NDST4: variants seen among roughly 807,000 people sequenced by gnomAD.
NDST4 encodes N-deacetylase and N-sulfotransferase 4.
Under a neutral mutation model 100.8 loss-of-function variants are expected in NDST4, and 63 were observed. The observed-to-expected ratio is 0.62, with a 90% CI of 0.51 to 0.77. The LOEUF is 0.77. Among genes scored for constraint, NDST4 ranks in the 30% least tolerant of loss-of-function variants. The pLI, the probability that NDST4 is intolerant of heterozygous loss-of-function variation, is 0.00. For synonymous variants in NDST4, 377 were observed against 361.8 expected (o/e 1.04, Z -0.48); for missense variants, 943 against 1,018.4 (o/e 0.93, Z 1.01).
chr4:114,829,666 G>A (rs560550844), intron 13 of NDST4, 124 bp downstream of exon 13: 3 of 615,380 alleles, frequency 4.9e-6, no homozygotes, highest in Admixed American at 6.8e-5. Context: ...CATCCTCTAA[G>A]TATATAAAAT....
chr4:114,982,892 T>A (rs940087008), intron 2 of NDST4, among the ~76,000 whole-genome samples: 9 of 152,160 alleles, frequency 5.9e-5, no homozygotes, highest in Non-Finnish European at 1.2e-4. Context: ...TATGGTGCCC[T>A]GCATCCCAGC....
rs61406984 is a variant in NDST4 at position 114,900,187 on chromosome 4, T to C, written c.1537-29237A>G. The stretch of plus-strand genomic sequence containing the variant: ...GGTGTCTGAAATGATGTCCCCTCTT[T>C]AATTTCTGATACTAGCCATTTGAAT... On this transcript the variant is annotated intron_variant, in intron 6 of 13. Transcript: ENST00000264363. Among the ~76,000 whole-genome samples, 603 of 152,140 alleles carry C rather than the reference T, an allele frequency of 4.0e-3. 7 individuals are homozygous for C. Among genetic ancestry groups the C allele is most frequent in the African/African-American group, 0.014 (579 of 41,544 alleles).
At chr4:115,045,101 G>C (rs530529414) in intron 2 of NDST4, among the ~76,000 whole-genome samples, 8 of 152,114 alleles carry the variant, frequency 5.3e-5, no homozygotes, top group Admixed American at 1.3e-4. Context: ...AGAAGAACTT[G>C]AATGAAGTCT....
chr4:114,981,383 G>A (rs1450974302), intron 2 of NDST4, among the ~76,000 whole-genome samples: 1 of 152,112 alleles, frequency 6.6e-6, no homozygotes, highest in Non-Finnish European at 1.5e-5. Flanking sequence ...AGAGAAAATT[G>A]CTAAAATTGT....
chr4:114,912,488 C>A (rs962857862), intron 6 of NDST4, among the ~76,000 whole-genome samples: 3 of 152,140 alleles, frequency 2.0e-5, no homozygotes, highest in African/African-American at 7.2e-5. Flanking sequence ...TTCTGACGTA[C>A]TTGTAGTACA....
rs569294049 is a variant in NDST4 at position 114,906,078 on chromosome 4, C to T, written c.1536+29128G>A. Among the ~76,000 whole-genome samples, 13 of 151,872 alleles carry T rather than the reference C, an allele frequency of 8.6e-5. No homozygotes were observed. In the East Asian group the frequency reaches 2.5e-3, roughly 29 times the overall value. ...AAATTAGAAAAAGAAAAATGATGAA[C>T]CTTGGGATCAATTTTTCTATGAGTC... On this transcript the variant is annotated intron_variant, in intron 6 of 13. Coordinates refer to ENST00000264363, the MANE Select transcript of NDST4 (RefSeq NM_022569.3).
intron 11 of NDST4, among the ~76,000 whole-genome samples, chr4:114,838,676 G>C (rs1324373954): frequency 6.6e-6 from 1 of 152,088 alleles, no homozygotes; most frequent in Non-Finnish European, 1.5e-5. Context: ...CAGGGGTGTG[G>C]GGCAAGGCGA....
chr4:114,927,217 TG>T (rs1385428649), intron 6 of NDST4, among the ~76,000 whole-genome samples: 1 of 69,164 alleles, frequency 1.4e-5, no homozygotes, highest in African/African-American at 2.1e-4. Flanking sequence ...TAACTTGATT[TG>T]TGTGTGTGTG....
chr4:115,016,754 C>T (rs1460107284), intron 2 of NDST4, among the ~76,000 whole-genome samples: 1 of 152,034 alleles, frequency 6.6e-6, no homozygotes, highest in Non-Finnish European at 1.5e-5. Context: ...TGGAAAAGTA[C>T]AACAACCCAA....
At chr4:114,868,905 A>G (rs1296062311) in intron 7 of NDST4, among the ~76,000 whole-genome samples, 1 of 149,528 alleles carries the variant, frequency 6.7e-6, no homozygotes, top group African/African-American at 2.4e-5. Context: ...ACTTACCCCT[A>G]TGATATTATG....
intron 2 of NDST4, among the ~76,000 whole-genome samples, chr4:115,016,028 C>T (rs1483516927): frequency 1.3e-5 from 2 of 152,034 alleles, no homozygotes; most frequent in East Asian, 3.9e-4. Context: ...CCGTGCAATG[C>T]TTCTGCCAAA....
At chr4:114,829,706 G>T (rs1578330176) in intron 13 of NDST4, 84 bp downstream of exon 13, 1 of 906,554 alleles carries the variant, frequency 1.1e-6, no homozygotes, top group East Asian at 2.6e-5. Flanking sequence ...GCAGAAAAAG[G>T]AAGCAAATTT....
intron 2 of NDST4, among the ~76,000 whole-genome samples, chr4:114,983,040 GGGAACCTTCACCT>G (rs771824044): frequency 1.3e-4 from 20 of 152,146 alleles, no homozygotes; most frequent in Non-Finnish European, 2.2e-4. Context: ...GTTGAGATTT[GGGAACCTTCACCT>G]GGATTTCAGA....
chr4:114,849,976 CAA>C (rs1285312295), intron 8 of NDST4, among the ~76,000 whole-genome samples: 2 of 151,650 alleles, frequency 1.3e-5, no homozygotes, highest in Non-Finnish European at 2.9e-5. Flanking sequence ...AGAGCAAAAA[CAA>C]AAAATGTTCT....
At chr4:114,892,177 C>A (rs11938645) in intron 6 of NDST4, among the ~76,000 whole-genome samples, 1 of 151,890 alleles carries the variant, frequency 6.6e-6, no homozygotes, top group African/African-American at 2.4e-5. Flanking sequence ...TTTACCTATC[C>A]TTATAAATTC....
intron 3 of NDST4, among the ~76,000 whole-genome samples, chr4:114,972,239 T>A (rs1726530516): frequency 6.6e-6 from 1 of 152,022 alleles, no homozygotes; most frequent in South Asian, 2.1e-4. Flanking sequence ...GTCAGTAGAT[T>A]AAGCAGCTTC....
At chr4:114,968,255 A>G (rs1212122683) in intron 4 of NDST4, among the ~76,000 whole-genome samples, 3 of 152,308 alleles carry the variant, frequency 2.0e-5, no homozygotes, top group African/African-American at 7.2e-5. Context: ...GATGGCTTAA[A>G]ACAACGAAAA....
intron 1 of NDST4, among the ~76,000 whole-genome samples, chr4:115,092,003 T>C (rs1729530062): frequency 6.6e-6 from 1 of 152,170 alleles, no homozygotes; most frequent in African/African-American, 2.4e-5. Context: ...TTACATGTAA[T>C]TCAAAAAATA....
intron 2 of NDST4, among the ~76,000 whole-genome samples, chr4:115,074,418 C>A (rs1030292681): frequency 6.6e-6 from 1 of 151,878 alleles, no homozygotes; most frequent in Non-Finnish European, 1.5e-5. Flanking sequence ...CTCAAAGAAC[C>A]TTTTGAAGTA....
Sources: allele counts gnomAD v4.1 joint callset (sites outside exome capture counted in the v4.1 genomes callset), GRCh38; gene constraint gnomAD v4.1.1; transcripts MANE v1.5; gene names NCBI Gene and HGNC (gene_info 2026-07-23, HGNC 2026-07-21).